The following RBM20 variants were observed in gnomAD, a reference collection of about 807,000 sequenced individuals.
RBM20 encodes RNA binding motif protein 20.
Under a neutral mutation model 110.1 loss-of-function variants are expected in RBM20, and 51 were observed. The ratio of observed to expected loss-of-function variants is 0.46; its 90% CI spans 0.37 to 0.59. The LOEUF (loss-of-function observed/expected upper bound fraction) is 0.59. Ranked by LOEUF, RBM20 falls within the 20% of genes least tolerant of loss-of-function variation. The pLI is 0.00. For synonymous variants in RBM20, 589 were observed against 618.2 expected, an observed-to-expected ratio of 0.95 and a Z score of 0.70; for missense variants, 1,512 against 1,574.9, an observed-to-expected ratio of 0.96 and a Z score of 0.68.
intron 1 of RBM20, among the ~76,000 whole-genome samples, chr10:110,691,163 C>G (rs566441791): frequency 6.6e-6 from 1 of 152,308 alleles, no homozygotes; most frequent in Non-Finnish European, 1.5e-5. Context: ...AGAATACAGT[C>G]CCAAGTTAGA....
intron 1 of RBM20, among the ~76,000 whole-genome samples, chr10:110,727,004 G>A (rs894059448): frequency 1.3e-5 from 2 of 151,966 alleles, no homozygotes; most frequent in African/African-American, 2.4e-5. Flanking sequence ...CCACCACACT[G>A]CCCGGCTGAT....
intron 5 of RBM20, among the ~76,000 whole-genome samples, chr10:110,788,342 C>T (rs1844445529): frequency 6.6e-6 from 1 of 152,232 alleles, no homozygotes; most frequent in Non-Finnish European, 1.5e-5. Flanking sequence ...TATCCACATT[C>T]TTCTGCACCC....
intron 1 of RBM20, among the ~76,000 whole-genome samples, chr10:110,671,778 G>A (rs958079321): frequency 6.6e-6 from 1 of 151,878 alleles, no homozygotes; most frequent in African/African-American, 2.4e-5. Context: ...CTTATTAACC[G>A]TATTTACAAG....
chr10:110,778,951 C>T (rs1844302320), intron 1 of RBM20, among the ~76,000 whole-genome samples: 1 of 152,184 alleles, frequency 6.6e-6, no homozygotes, highest in Non-Finnish European at 1.5e-5. Context: ...CTGCTATTGT[C>T]CCCTACCTCA....
At chr10:110,686,976 T>C (rs955143817) in intron 1 of RBM20, among the ~76,000 whole-genome samples, 1 of 151,360 alleles carries the variant, frequency 6.6e-6, no homozygotes, top group Non-Finnish European at 1.5e-5. Flanking sequence ...GAGGCGGAGG[T>C]TGCAGTGAGC....
At chr10:110,762,334 C>G (rs1844017152) in intron 1 of RBM20, among the ~76,000 whole-genome samples, 1 of 152,220 alleles carries the variant, frequency 6.6e-6, no homozygotes, top group Non-Finnish European at 1.5e-5. Context: ...TGGCACAGTG[C>G]TGGTATACAG....
chr10:110,652,881 T>C (rs1190159199), intron 1 of RBM20, among the ~76,000 whole-genome samples: 1 of 152,184 alleles, frequency 6.6e-6, no homozygotes, highest in African/African-American at 2.4e-5. Flanking sequence ...AAAGCATCCT[T>C]GGTTGTGTTA....
chr10:110,833,297 G>A (rs909467518), intron 13 of RBM20, among the ~76,000 whole-genome samples: 13 of 147,516 alleles, frequency 8.8e-5, no homozygotes, highest in Non-Finnish European at 1.9e-4. Context: ...GCTGAGGTAG[G>A]AGAATCGCTT....
intron 1 of RBM20, among the ~76,000 whole-genome samples, chr10:110,759,569 T>C (rs925849250): frequency 6.6e-6 from 1 of 152,112 alleles, no homozygotes; most frequent in African/African-American, 2.4e-5. Flanking sequence ...TGGGCAAGAA[T>C]TGGGCTATTT....
At chr10:110,795,935 C>T (rs1327185485) in intron 5 of RBM20, among the ~76,000 whole-genome samples, 1 of 152,168 alleles carries the variant, frequency 6.6e-6, no homozygotes, top group Non-Finnish European at 1.5e-5. Flanking sequence ...GGGTGCCGGA[C>T]CCCAAGGTTT....
chr10:110,738,918 C>T (rs1166325968), intron 1 of RBM20, among the ~76,000 whole-genome samples: 5 of 152,166 alleles, frequency 3.3e-5, no homozygotes, highest in African/African-American at 9.7e-5. Flanking sequence ...CTCCAGATCT[C>T]GCCTTCCTTG....
chr10:110,666,915 C>T (rs1278632669), intron 1 of RBM20, among the ~76,000 whole-genome samples: 6 of 152,182 alleles, frequency 3.9e-5, no homozygotes, highest in East Asian at 1.9e-4. Flanking sequence ...CCTTTGAGGG[C>T]GGGAAATTTA....
rs545037584 is a variant in RBM20 at position 110,654,513 on chromosome 10, G to T, written c.191+9868G>T. ...TTGGGTATCCTCTTGAAGTTATGTT[G>T]GTTCTTTGCAGAAGCCTTTTAACTC... On this transcript the variant is annotated intron_variant, in intron 1 of 13. Coordinates refer to ENST00000369519, the MANE Select transcript of RBM20 (RefSeq NM_001134363.3). 3.9e-5 allele frequency among the ~76,000 whole-genome samples: 6 copies of T among 152,240 alleles called. No individual in the cohort carries two copies. The East Asian group carries it at 9.6e-4, about 24-fold the overall frequency.
chr10:110,743,674 T>A (rs2134972700), intron 1 of RBM20, among the ~76,000 whole-genome samples: 1 of 152,324 alleles, frequency 6.6e-6, no homozygotes, highest in African/African-American at 2.4e-5. Flanking sequence ...TGGAGTGCAG[T>A]GGCACAAACT....
chr10:110,711,326 T>G, intron 1 of RBM20, among the ~76,000 whole-genome samples: 2 of 64,450 alleles, frequency 3.1e-5, no homozygotes, highest in Non-Finnish European at 2.5e-5. Flanking sequence ...TGAGACTCCA[T>G]CTCAAAAAAA....
chr10:110,770,414 T>G (rs77993974), intron 1 of RBM20, among the ~76,000 whole-genome samples: 29 of 152,336 alleles, frequency 1.9e-4, no homozygotes, highest in African/African-American at 6.5e-4. Context: ...CCTTAAATGT[T>G]GTCTCATCTG....
At chr10:110,814,542 C>A (rs1227818232) in intron 9 of RBM20, among the ~76,000 whole-genome samples, 2 of 151,992 alleles carry the variant, frequency 1.3e-5, no homozygotes, top group Non-Finnish European at 2.9e-5. Flanking sequence ...CCCACCCAGG[C>A]TGGAGTGCAG....
chr10:110,688,663 A>C (rs1862540726), intron 1 of RBM20, among the ~76,000 whole-genome samples: 1 of 152,344 alleles, frequency 6.6e-6, no homozygotes, highest in Admixed American at 6.5e-5. Flanking sequence ...TAGATTTACT[A>C]AAAAAGCTAC....
At chr10:110,747,297 G>GT (rs956966271) in intron 1 of RBM20, among the ~76,000 whole-genome samples, 6 of 80,400 alleles carry the variant, frequency 7.5e-5, no homozygotes, top group Admixed American at 1.2e-4. Context: ...CTCTTTTTTT[G>GT]GGGGGGGGGG....
Sources: gnomAD v4.1 joint callset for allele counts (sites outside exome capture counted in the v4.1 genomes callset) on GRCh38, gnomAD v4.1.1 for gene constraint, MANE v1.5 for transcripts, NCBI Gene and HGNC (gene_info 2026-07-23, HGNC 2026-07-21) for gene names.